EXOG: variants seen among roughly 807,000 people sequenced by gnomAD.
EXOG encodes nuclease EXOG, mitochondrial.
In EXOG, 27 loss-of-function variants were observed where a neutral mutation model predicts 25.8. The observed-to-expected ratio is 1.05, with a 90% CI of 0.77 to 1.45. The LOEUF is 1.45. Among genes scored for constraint, EXOG ranks in the 40% most tolerant of loss-of-function variants. The pLI, the probability that EXOG is intolerant of heterozygous loss-of-function variation, is 0.00. For synonymous variants in EXOG, 133 were observed against 167.0 expected (o/e 0.80, Z 1.57); for missense variants, 458 against 450.5 (o/e 1.02, Z -0.15).
chr3:38,523,626 C>T (rs1305232734), intron 5 of EXOG, among the ~76,000 whole-genome samples: 1 of 152,094 alleles, frequency 6.6e-6, no homozygotes, highest in Non-Finnish European at 1.5e-5. Context: ...CCTTGGCGTC[C>T]CAAAGTGCTG....
rs192979376 is a variant in EXOG, at chr3:38,503,765, C to T, written c.530+74C>T. On this transcript the variant is annotated intron_variant, in intron 4 of 5. Coordinates refer to ENST00000287675, the MANE Select transcript of EXOG (RefSeq NM_005107.4). ...GTGACAGGAGAATGTACTGATGTGC[C>T]TATTAGCTGTTTCTGTCTTTGTTTT... 2.4e-3 allele frequency: 2,025 copies of T among 852,218 alleles called. 7 individuals carry two copies. Among genetic ancestry groups the T allele is most frequent in the Non-Finnish European group, 3.0e-3 (1,584 of 519,910 alleles). 52.8% of individuals were successfully genotyped at this position (852,218 alleles called of 1,614,324 possible). A position where few individuals can be genotyped will look rare whatever the true frequency, so the allele number is the denominator to read the frequency against.
chr3:38,517,625 G>A (rs1286493090), intron 5 of EXOG, among the ~76,000 whole-genome samples: 4 of 152,208 alleles, frequency 2.6e-5, no homozygotes, highest in Admixed American at 1.3e-4. Context: ...CCCAAAGCTC[G>A]TAGTATATGG....
intron 3 of EXOG, among the ~76,000 whole-genome samples, chr3:38,501,818 G>T (rs142059023): frequency 1.3e-5 from 2 of 152,086 alleles, no homozygotes; most frequent in Admixed American, 1.3e-4. Context: ...TGATCTCGGC[G>T]CACTGCAACC....
chr3:38,517,260 C>T (rs1322950414), intron 5 of EXOG, among the ~76,000 whole-genome samples: 2 of 152,188 alleles, frequency 1.3e-5, no homozygotes. Flanking sequence ...TGTAGACTCA[C>T]AGATTTATTT....
chr3:38,514,434 C>G (rs1039143695), intron 5 of EXOG, among the ~76,000 whole-genome samples: 1 of 152,102 alleles, frequency 6.6e-6, no homozygotes, highest in Non-Finnish European at 1.5e-5. Context: ...TGAATATAGA[C>G]AGGAGAGAAC....
At chr3:38,500,073 T>G (rs1447224344) in intron 2 of EXOG, 1 of 166,272 alleles carries the variant, frequency 6.0e-6, no homozygotes. Flanking sequence ...AGAACTAACT[T>G]CCCTGCCCAC....
chr3:38,509,731 A>G (rs977511425), intron 5 of EXOG, among the ~76,000 whole-genome samples: 2 of 152,216 alleles, frequency 1.3e-5, no homozygotes, highest in South Asian at 4.1e-4. Flanking sequence ...CACTTACTGT[A>G]TCTGGTGCTA....
Position 38,523,913 on chromosome 3 carries a change from G to A in EXOG, c.658G>A (p.Asp220Asn). ...GCTTTGTTTTTAGGTGATTGGCGAG[G>A]ACAACGTGGCAGTCCCCTCACACCT... ...KIVSYQVIGE[D>N]NVAVPSHLYK... The change falls in exon 6 of 6, where the codon GAC becomes AAC. Residue 220 changes from aspartate to asparagine, a missense_variant. This residue lies in a region of EXOG where 178 missense variants were observed against 203.7 expected (regional missense o/e 0.87). Transcript: ENST00000287675. 1.3e-6 allele frequency: 2 copies of A among 1,538,062 alleles called. No homozygotes were observed. Among genetic ancestry groups the A allele is most frequent in the Non-Finnish European group, 1.7e-6 (2 of 1,143,126 alleles).
At chr3:38,509,526 C>T (rs1484293272) in intron 5 of EXOG, among the ~76,000 whole-genome samples, 9 of 152,158 alleles carry the variant, frequency 5.9e-5, no homozygotes, top group Admixed American at 5.9e-4. Context: ...TAGCAATGAA[C>T]ACATCTTGAG....
chr3:38,498,596 C>A (rs976252605), intron 2 of EXOG, among the ~76,000 whole-genome samples: 3 of 151,442 alleles, frequency 2.0e-5, no homozygotes, highest in Non-Finnish European at 4.4e-5. Context: ...AACACAAGAA[C>A]CTGATTTTGA....
intron 1 of EXOG, 160 bp downstream of exon 1, chr3:38,496,690 C>A: frequency 6.9e-7 from 1 of 1,443,836 alleles, no homozygotes; most frequent in East Asian, 2.6e-5. Context: ...CTCGGCCTCC[C>A]TTCCCCACCT....
intron 5 of EXOG, among the ~76,000 whole-genome samples, chr3:38,521,478 AT>A (rs2125802324): frequency 6.6e-6 from 1 of 152,320 alleles, no homozygotes; most frequent in East Asian, 1.9e-4. Flanking sequence ...GGGCATGTTA[AT>A]TATATTTGAA....
Position 38,525,893 on chromosome 3 carries a change from A to G in EXOG, c.*1531A>G. ...TGGCAGGTCAAGGCTGCGATGGGAC[A>G]TGGTCATGCCACTGGACGCCAGCCT... On this transcript the variant is annotated 3_prime_UTR_variant, in exon 6 of 6. Transcript: ENST00000287675. The G allele has an allele frequency of 1.3e-6, 1 of 769,724 alleles. No homozygotes were observed. Among genetic ancestry groups the G allele is most frequent in the Non-Finnish European group, 1.6e-6 (1 of 632,990 alleles). 47.7% of individuals were successfully genotyped at this position (769,724 alleles called of 1,614,324 possible). A position where few individuals can be genotyped will look rare whatever the true frequency, so the allele number is the denominator to read the frequency against.
At chr3:38,513,414 G>C (rs1250347040) in intron 5 of EXOG, among the ~76,000 whole-genome samples, 1 of 152,138 alleles carries the variant, frequency 6.6e-6, no homozygotes, top group Non-Finnish European at 1.5e-5. Flanking sequence ...TGTGTATGTA[G>C]TATGTTTGGA....
At chr3:38,512,158 G>A (rs2060389784) in intron 5 of EXOG, among the ~76,000 whole-genome samples, 1 of 151,974 alleles carries the variant, frequency 6.6e-6, no homozygotes, top group South Asian at 2.1e-4. Context: ...CATTAAACAC[G>A]GTTTAGTCTT....
At chr3:38,510,720 A>C (rs1374086133) in intron 5 of EXOG, among the ~76,000 whole-genome samples, 1 of 150,758 alleles carries the variant, frequency 6.6e-6, no homozygotes, top group African/African-American at 2.4e-5. Context: ...AAATATTAAA[A>C]GATATATTAA....
chr3:38,511,489 A>G lies in EXOG; in HGVS notation c.645+4521A>G, dbSNP rs192127440. Among the ~76,000 whole-genome samples the G allele has an allele frequency of 3.3e-5, 5 of 152,352 alleles. No homozygotes were observed. In the East Asian group the frequency reaches 7.7e-4, roughly 23 times the overall value. On this transcript the variant is annotated intron_variant, in intron 5 of 5. Coordinates refer to ENST00000287675, the MANE Select transcript of EXOG (RefSeq NM_005107.4). ...CCTGTATCAAGGAATTTTTCAAATA[A>G]TATCTGCAAGATAAAGTGAAATTTG...
chr3:38,518,089 A>G (rs940733775), intron 5 of EXOG, among the ~76,000 whole-genome samples: 2 of 152,178 alleles, frequency 1.3e-5, no homozygotes, highest in East Asian at 3.9e-4. Context: ...CCAAATTTTT[A>G]TATATATGCA....
intron 3 of EXOG, among the ~76,000 whole-genome samples, chr3:38,502,360 A>G (rs2060072554): frequency 6.6e-6 from 1 of 152,206 alleles, no homozygotes; most frequent in African/African-American, 2.4e-5. Context: ...TTCCCGACTA[A>G]CTAGGACTAT....
Sources: gnomAD v4.1 joint callset for allele counts (sites outside exome capture counted in the v4.1 genomes callset) on GRCh38, gnomAD v4.1.1 for gene constraint, gnomAD v4.1.1 regional missense constraint, MANE v1.5 for transcripts, NCBI Gene and HGNC (gene_info 2026-07-23, HGNC 2026-07-21) for gene names.